The following PTN variants were observed in gnomAD, a reference collection of about 807,000 sequenced individuals.
PTN encodes the protein pleiotrophin, also known as heparin affin regulatory protein.
Under a neutral mutation model 24.1 loss-of-function variants are expected in PTN, and 18 were observed. The observed-to-expected ratio is 0.75, with a 90% confidence interval of 0.52 to 1.11. The LOEUF (loss-of-function observed/expected upper bound fraction) is 1.11. Among genes scored for constraint, PTN ranks in the 50% least tolerant of loss-of-function variants. The pLI, the probability that PTN is intolerant of heterozygous loss-of-function variation, is 0.00. For missense variants in PTN, 163 were observed against 198.8 expected, an observed-to-expected ratio of 0.82 and a Z score of 1.08; for synonymous variants, 78 against 68.6, an observed-to-expected ratio of 1.14 and a Z score of -0.67.
intron 1 of PTN, among the ~76,000 whole-genome samples, chr7:137,306,274 G>T (rs1177948539): frequency 1.3e-5 from 2 of 152,032 alleles, no homozygotes; most frequent in African/African-American, 4.8e-5. Context: ...TGGGCTCTAA[G>T]TCTCTCCGGT....
chr7:137,239,526 A>T (rs888881349), intron 4 of PTN, among the ~76,000 whole-genome samples: 6 of 151,838 alleles, frequency 4.0e-5, no homozygotes, highest in African/African-American at 1.5e-4. Context: ...CATTAGGTAT[A>T]TCTCCCAGTG....
intron 1 of PTN, among the ~76,000 whole-genome samples, chr7:137,335,635 C>G (rs769704904): frequency 6.6e-6 from 1 of 152,160 alleles, no homozygotes; most frequent in East Asian, 1.9e-4. Context: ...GTACTGCAGT[C>G]ACCTGGGAGC....
intron 1 of PTN, among the ~76,000 whole-genome samples, chr7:137,340,898 A>G (rs1562976328): frequency 6.6e-6 from 1 of 152,200 alleles, no homozygotes; most frequent in Non-Finnish European, 1.5e-5. Context: ...AGAAGTCAAG[A>G]ACAACTCCCC....
intron 1 of PTN, among the ~76,000 whole-genome samples, chr7:137,318,333 CCAGGTATTT>C (rs1422840357): frequency 7.9e-5 from 12 of 152,106 alleles, no homozygotes; most frequent in Admixed American, 5.9e-4. Flanking sequence ...TGTGAATGAA[CCAGGTATTT>C]CAACACTTCA....
At chr7:137,279,207 AATC>A (rs1341215615) in intron 1 of PTN, among the ~76,000 whole-genome samples, 1 of 152,112 alleles carries the variant, frequency 6.6e-6, no homozygotes, top group Non-Finnish European at 1.5e-5. Flanking sequence ...AAAGCTAATA[AATC>A]ATAGCTAGTG....
intron 1 of PTN, among the ~76,000 whole-genome samples, chr7:137,309,985 A>G (rs772302930): frequency 1.3e-5 from 2 of 152,210 alleles, no homozygotes; most frequent in Admixed American, 1.3e-4. Context: ...GCTCAGATCC[A>G]TCAGAGGAAT....
intron 1 of PTN, among the ~76,000 whole-genome samples, chr7:137,339,371 C>T (rs757154092): frequency 2.0e-5 from 3 of 152,008 alleles, no homozygotes; most frequent in South Asian, 2.1e-4. Flanking sequence ...ATCCAACATA[C>T]GTACAATAAA....
chr7:137,330,175 T>C (rs1810327879), intron 1 of PTN, among the ~76,000 whole-genome samples: 1 of 152,036 alleles, frequency 6.6e-6, no homozygotes, highest in South Asian at 2.1e-4. Context: ...TAATCCCAGC[T>C]GCTTGGGAGA....
chr7:137,274,480 T>G (rs573619104), intron 1 of PTN, among the ~76,000 whole-genome samples: 2 of 152,222 alleles, frequency 1.3e-5, no homozygotes, highest in South Asian at 4.2e-4. Flanking sequence ...GTCACCTACA[T>G]TAGGTATTTC....
At chr7:137,238,049 C>A (rs1023352011) in intron 4 of PTN, among the ~76,000 whole-genome samples, 3 of 152,126 alleles carry the variant, frequency 2.0e-5, no homozygotes, top group Non-Finnish European at 4.4e-5. Context: ...CTGATGAGTT[C>A]TTCTACAAAT....
At chr7:137,278,695 C>T (rs1809412304) in intron 1 of PTN, among the ~76,000 whole-genome samples, 2 of 151,766 alleles carry the variant, frequency 1.3e-5, no homozygotes, top group Admixed American at 1.3e-4. Flanking sequence ...AATCCCAGCA[C>T]TTTGGGAGGC....
chr7:137,288,280 T>C (rs6961235), intron 1 of PTN, among the ~76,000 whole-genome samples: 7,903 of 152,252 alleles, frequency 0.052, 384 homozygotes, highest in African/African-American at 0.13. Flanking sequence ...AGAAATTTTA[T>C]GATACAACAA....
intron 4 of PTN, among the ~76,000 whole-genome samples, chr7:137,230,160 A>G (rs1184449949): frequency 6.6e-6 from 1 of 151,868 alleles, no homozygotes; most frequent in Non-Finnish European, 1.5e-5. Flanking sequence ...AAAGTTTCAT[A>G]AAACTTAAAA....
chr7:137,335,831 T>G (rs1195095512), intron 1 of PTN, among the ~76,000 whole-genome samples: 1 of 152,142 alleles, frequency 6.6e-6, no homozygotes, highest in Non-Finnish European at 1.5e-5. Context: ...AAATGTGACA[T>G]GTAGCTTTTA....
chr7:137,299,736 C>T (rs1420335928), intron 1 of PTN, among the ~76,000 whole-genome samples: 1 of 151,918 alleles, frequency 6.6e-6, no homozygotes, highest in East Asian at 1.9e-4. Flanking sequence ...AAGAGACAAA[C>T]ATCTTTGTCT....
chr7:137,332,305 C>T (rs573814580), intron 1 of PTN, among the ~76,000 whole-genome samples: 44 of 151,980 alleles, frequency 2.9e-4, no homozygotes, highest in Non-Finnish European at 4.7e-4. Context: ...TCTTGTACCA[C>T]GAACATGTAT....
At chr7:137,317,888 TG>T (rs1454423770) in intron 1 of PTN, among the ~76,000 whole-genome samples, 3 of 152,140 alleles carry the variant, frequency 2.0e-5, no homozygotes, top group African/African-American at 7.2e-5. Flanking sequence ...GTAAGTACCC[TG>T]GGAGTTCAAG....
intron 4 of PTN, among the ~76,000 whole-genome samples, chr7:137,242,564 A>G (rs192725879): frequency 9.7e-4 from 148 of 152,326 alleles, no homozygotes; most frequent in African/African-American, 3.4e-3. Context: ...GGGCTTCACA[A>G]CACCCTTCAT....
intron 1 of PTN, among the ~76,000 whole-genome samples, chr7:137,314,613 T>TA (rs1554381433): frequency 1.8e-4 from 21 of 119,822 alleles, no homozygotes; most frequent in Admixed American, 8.2e-4. Flanking sequence ...TTTTTTTTTT[T>TA]AGAGAGTCTC....
Sources: gnomAD v4.1 joint callset for allele counts (sites outside exome capture counted in the v4.1 genomes callset) on GRCh38, gnomAD v4.1.1 for gene constraint, MANE v1.5 for transcripts, NCBI Gene and HGNC (gene_info 2026-07-23, HGNC 2026-07-21) for gene names.